Variants in SCLY observed in about 807,000 individuals in gnomAD.
SCLY encodes selenocysteine lyase, also known as putative selenocysteine lyase.
SCLY carries 38 observed loss-of-function variants against 50.1 expected under a neutral mutation model. The observed-to-expected ratio is 0.76, with a 90% confidence interval of 0.59 to 0.99. The LOEUF (loss-of-function observed/expected upper bound fraction) is 0.99, where lower values mean the gene tolerates loss of function less well. Ranked by LOEUF, SCLY falls within the 50% of genes least tolerant of loss-of-function variation. The probability of loss-of-function intolerance (pLI) is 0.00; values close to 1 mark genes in which losing one functional copy is unlikely to be tolerated. For missense variants in SCLY, 600 were observed against 620.0 expected (o/e 0.97, Z 0.34); for synonymous variants, 243 against 249.4 (o/e 0.97, Z 0.24).
intron 7 of SCLY, among the ~76,000 whole-genome samples, chr2:238,084,128 G>A (rs557048094): frequency 1.1e-3 from 166 of 152,360 alleles, no homozygotes; most frequent in African/African-American, 3.5e-3. Flanking sequence ...AATACAGGCT[G>A]TAACAAGGTA....
At chr2:238,073,848 G>A (rs1459857042) in intron 4 of SCLY, 1 of 442,816 alleles carries the variant, frequency 2.3e-6, no homozygotes, top group Non-Finnish European at 4.5e-6. Context: ...TTAATTAATA[G>A]TAAATATATT....
intron 7 of SCLY, among the ~76,000 whole-genome samples, chr2:238,084,893 C>CAAAAAAAAAAAA (rs377025100): frequency 9.3e-6 from 1 of 107,508 alleles, no homozygotes; most frequent in Non-Finnish European, 1.8e-5. Context: ...GACTCCATCT[C>CAAAAAAAAAAAA]AAAAAAAAAA....
At chr2:238,095,301 C>G (rs945034618) in intron 10 of SCLY, among the ~76,000 whole-genome samples, 1 of 152,182 alleles carries the variant, frequency 6.6e-6, no homozygotes, top group Non-Finnish European at 1.5e-5. Context: ...TAGGATCACC[C>G]CCGTCCCAGA....
intron 9 of SCLY, 68 bp downstream of exon 9, chr2:238,094,012 G>T (rs2065398339): frequency 4.3e-6 from 6 of 1,403,560 alleles, no homozygotes; most frequent in Middle Eastern, 2.2e-4. Context: ...GAGAGGAGGG[G>T]TGTGGTGCTC....
intron 9 of SCLY, 28 bp downstream of exon 9, chr2:238,093,972 G>A: frequency 1.9e-6 from 3 of 1,599,572 alleles, no homozygotes; most frequent in Non-Finnish European, 2.6e-6. Context: ...TGGGCACCAG[G>A]AGGGGGAGGG....
At chr2:238,070,251 T>G (rs578024592) in intron 4 of SCLY, among the ~76,000 whole-genome samples, 3 of 152,326 alleles carry the variant, frequency 2.0e-5, no homozygotes, top group African/African-American at 7.2e-5. Flanking sequence ...GAGACAGATT[T>G]TCTTCTCAAC....
rs1691346572 is a variant in SCLY, at chr2:238,098,649, G to GAACGCCCACATAGGACCGCCCACATAGA, written c.*295_*296insACGCCCACATAGGACCGCCCACATAGAA. The stretch of plus-strand genomic sequence containing the variant: ...CGCCCACATGGGACCGCCCACATGG[G>GAACGCCCACATAGGACCGCCCACATAGA]ACCGCCCACATAGAACCGTCCTCCA... On this transcript the variant is annotated 3_prime_UTR_variant, in exon 12 of 12. Transcript: ENST00000254663. 7.8e-6 allele frequency: 2 copies of GAACGCCCACATAGGACCGCCCACATAGA among 255,688 alleles called. No individual in the cohort carries two copies. The highest frequency in any genetic ancestry group is 7.0e-5 in the Admixed American group (1 of 14,350). The allele number at this position is 255,688 out of a possible 1,614,324, so 15.8% of individuals were successfully genotyped here. A position where few individuals can be genotyped will look rare whatever the true frequency, so the allele number is the denominator to read the frequency against.
At position 238,069,364 on chromosome 2, in the gene SCLY, C is replaced by G. The variant is rs1178005863; in HGVS notation, c.371C>G (p.Thr124Arg). Residue 124 changes from threonine to arginine, a missense_variant, in exon 4 of 12, where the codon ACA (threonine) becomes AGA (arginine). Thr to Arg is a moderately conservative substitution (Grantham distance 71, BLOSUM62 -1). Transcript: ENST00000254663. The surrounding 1 kb of genome is among the most constrained non-coding windows in gnomAD (Gnocchi z 5.0). Reference sequence around the variant, plus strand: ...GCAAACCAGACCTCAAAGGGACACACAGGTGGGCACCACAGCCCAGTGAAG... The same window carrying G: ...GCAAACCAGACCTCAAAGGGACACAGAGGTGGGCACCACAGCCCAGTGAAG... ...FHANQTSKGH[T>R]GGHHSPVKGA... 6.2e-7 allele frequency: 1 copy of G among 1,614,176 alleles called. No individual in the cohort carries two copies. Among genetic ancestry groups the G allele is most frequent in the East Asian group, 2.2e-5 (1 of 44,896 alleles).
intron 3 of SCLY, 105 bp downstream of exon 3, chr2:238,068,270 C>T: frequency 1.1e-6 from 1 of 882,390 alleles, no homozygotes. Flanking sequence ...AAGAGTAGGC[C>T]AAGTGTGGTG....
At chr2:238,091,637 GC>G (rs780817976) in intron 8 of SCLY, 8 of 235,558 alleles carry the variant, frequency 3.4e-5, no homozygotes, top group Non-Finnish European at 6.0e-5. Context: ...CCTGCCACCA[GC>G]CCTCCACTGG....
intron 6 of SCLY, chr2:238,082,841 T>C (rs1192061595): frequency 9.9e-6 from 3 of 302,328 alleles, no homozygotes; most frequent in African/African-American, 6.5e-5. Context: ...ATTGTGTCAG[T>C]TGGAAACATG....
At chr2:238,081,330 G>GT (rs1224907093) in intron 4 of SCLY, 1 of 177,232 alleles carries the variant, frequency 5.6e-6, no homozygotes, top group African/African-American at 2.4e-5. Context: ...CGCCTGGCGC[G>GT]TAGGAGCGGC....
chr2:238,076,709 T>C lies in SCLY; in HGVS notation c.485-5000T>C, dbSNP rs546652611. Among the ~76,000 whole-genome samples, 11 of 86,208 alleles carry C rather than the reference T, an allele frequency of 1.3e-4. No individual in the cohort carries two copies. The East Asian group carries it at 4.0e-3, about 31-fold the overall frequency. The allele number at this position is 86,208 out of a possible 152,430, so 56.6% of individuals were successfully genotyped here. On this transcript the variant is annotated intron_variant, in intron 4 of 11. Coordinates refer to ENST00000254663, the MANE Select transcript of SCLY (RefSeq NM_016510.7). ...GTGAGAAACACCCAAGAATTATCAA[T>C]AAAAAAATAAATTAAAAAAAAAAAA...
chr2:238,091,077 G>C, intron 7 of SCLY, 141 bp from the exon 8 acceptor site: 1 of 783,120 alleles, frequency 1.3e-6, no homozygotes, highest in Non-Finnish European at 2.2e-6. Context: ...GCCTGCAGCT[G>C]CCATTGAGAT....
intron 1 of SCLY, chr2:238,061,419 G>T (rs1171895328): frequency 6.6e-6 from 4 of 610,064 alleles, no homozygotes; most frequent in Non-Finnish European, 9.2e-6. Flanking sequence ...AGCAGAGCCT[G>T]CCAGGAAGAG....
chr2:238,093,976 G>T, intron 9 of SCLY, 32 bp downstream of exon 9: 5 of 1,592,822 alleles, frequency 3.1e-6, no homozygotes, highest in Non-Finnish European at 4.3e-6. Context: ...CACCAGGAGG[G>T]GGAGGGTGCG....
rs771882282 is a variant in SCLY, at chr2:238,083,350, C to A, written c.880C>A (p.Pro294Thr). Residue 294 changes from proline (P) to threonine (T), a missense_variant, in exon 7 of 12, where the codon CCA becomes ACA. Coordinates refer to ENST00000254663, the MANE Select transcript of SCLY (RefSeq NM_016510.7). This position sits in a 1 kb window ranked among gnomAD's most constrained non-coding sequence, Gnocchi z 4.3. The part of the protein sequence containing the change: ...FGGGQERNFR[P>T]GTENTPMIAG... Reference sequence around the variant, plus strand: ...AGGTGGACAAGAACGGAATTTCAGGCCAGGGTAAGGCAGAAAGTTAACAAA... The same window carrying A: ...AGGTGGACAAGAACGGAATTTCAGGACAGGGTAAGGCAGAAAGTTAACAAA... 3 of 1,603,660 alleles carry A rather than the reference C, an allele frequency of 1.9e-6. No individual in the cohort carries two copies. The highest frequency in any genetic ancestry group is 1.7e-6 in the Non-Finnish European group (2 of 1,170,530).
At chr2:238,093,177 A>G (rs548460740) in intron 8 of SCLY, 3 of 152,556 alleles carry the variant, frequency 2.0e-5, no homozygotes, top group African/African-American at 7.2e-5. Flanking sequence ...CCTCATGTCC[A>G]TTTTCATGGC....
At chr2:238,089,752 CCT>C (rs1416404311) in intron 7 of SCLY, among the ~76,000 whole-genome samples, 1 of 152,002 alleles carries the variant, frequency 6.6e-6, no homozygotes, top group East Asian at 1.9e-4. Context: ...ATTAGACACC[CCT>C]GTCTTACACC....
Sources: allele counts gnomAD v4.1 joint callset (sites outside exome capture counted in the v4.1 genomes callset), GRCh38; gene constraint gnomAD v4.1.1; non-coding constraint Gnocchi (gnomAD v3.1); transcripts MANE v1.5; gene names NCBI Gene and HGNC (gene_info 2026-07-23, HGNC 2026-07-21).